PCF11: variants seen among roughly 807,000 people sequenced by gnomAD.
PCF11 encodes the protein PCF11 cleavage and polyadenylation factor subunit.
A neutral mutation model predicts 166.1 loss-of-function variants in PCF11; 19 were observed. The observed-to-expected ratio is 0.11, with a 90% CI of 0.08 to 0.17. The LOEUF is 0.17. Among genes scored for constraint, PCF11 ranks in the 10% least tolerant of loss-of-function variants. PCF11 has a pLI of 1.00. For synonymous variants in PCF11, 663 were observed against 644.1 expected, an observed-to-expected ratio of 1.03 and a Z score of -0.44; for missense variants, 1,565 against 1,855.5, an observed-to-expected ratio of 0.84 and a Z score of 2.88.
chr11:83,177,968 T>C lies in PCF11; in HGVS notation c.3983+149T>C, dbSNP rs777063146. ...AAGTCTTTTTTTTTTTTTAATGTGG[T>C]AAAATATACATAACATAGTCTTTGG... On this transcript the variant is annotated intron_variant, in intron 11 of 15. Transcript: ENST00000298281. 47 of 381,530 alleles carry C rather than the reference T, an allele frequency of 1.2e-4. 1 individual carries two copies. The highest frequency in any genetic ancestry group is 1.4e-3 in the Middle Eastern group (2 of 1,400). The allele number at this position is 381,530 out of a possible 1,614,324, so 23.6% of individuals were successfully genotyped here.
intron 9 of PCF11, among the ~76,000 whole-genome samples, chr11:83,176,399 T>C (rs988536879): frequency 1.3e-5 from 2 of 152,194 alleles, no homozygotes; most frequent in Admixed American, 6.5e-5. Flanking sequence ...ATGTTTATTG[T>C]GGCACTATTC....
At chr11:83,172,204 C>T (rs1208414887) in intron 9 of PCF11, among the ~76,000 whole-genome samples, 1 of 152,040 alleles carries the variant, frequency 6.6e-6, no homozygotes, top group Non-Finnish European at 1.5e-5. Flanking sequence ...GAAGGTATGA[C>T]ATTTGTGTTG....
At chr11:83,177,009 T>C in intron 9 of PCF11, 76 bp from the exon 10 acceptor site, 1 of 1,057,748 alleles carries the variant, frequency 9.5e-7, no homozygotes, top group Non-Finnish European at 1.3e-6. Context: ...TGAAAAATGC[T>C]TAGTATAATT....
chr11:83,169,105 T>A, exon 8 of PCF11: 2 of 1,613,280 alleles, frequency 1.2e-6, no homozygotes, highest in Non-Finnish European at 1.7e-6. Flanking sequence ...TCATGGTCCA[T>A]CAGGGGCTGC....
At chr11:83,157,252 C>G (rs1860023389) in exon 1 of PCF11, 1 of 598,090 alleles carries the variant, frequency 1.7e-6, no homozygotes, top group Non-Finnish European at 3.0e-6. Context: ...AGATCACCCG[C>G]GAGACGGCGG....
chr11:83,163,657 T>A (rs1860343232), intron 2 of PCF11, 22 bp from the exon 3 acceptor site: 1 of 1,062,328 alleles, frequency 9.4e-7, no homozygotes, highest in Admixed American at 3.1e-5. Flanking sequence ...TAACAAGCCA[T>A]AGAATTGTTC....
At chr11:83,161,219 T>C (rs1860240372) in intron 1 of PCF11, 108 bp from the exon 2 acceptor site, 2 of 787,224 alleles carry the variant, frequency 2.5e-6, no homozygotes, top group South Asian at 1.8e-5. Flanking sequence ...CAAAAATATT[T>C]AGTATCAACA....
chr11:83,173,755 G>A (rs1860780342), intron 9 of PCF11, among the ~76,000 whole-genome samples: 1 of 97,848 alleles, frequency 1.0e-5, no homozygotes, highest in African/African-American at 4.2e-5. Flanking sequence ...TTTGAGACGA[G>A]TCTTGCTCTT....
chr11:83,171,254 A>T (rs1361275243), intron 8 of PCF11: 1 of 452,200 alleles, frequency 2.2e-6, no homozygotes, highest in East Asian at 7.0e-5. Context: ...TGTGGCTATA[A>T]CCATGTGCAA....
chr11:83,168,767 G>T, exon 8 of PCF11: 1 of 1,613,896 alleles, frequency 6.2e-7, no homozygotes, highest in Non-Finnish European at 8.5e-7. Flanking sequence ...GGGCCACAAG[G>T]TCAGCTAGGA....
exon 5 of PCF11, chr11:83,166,441 C>T: frequency 6.2e-7 from 1 of 1,613,956 alleles, no homozygotes; most frequent in Non-Finnish European, 8.5e-7. Context: ...CCAACATCGA[C>T]ACCTAAAGCT....
At position 83,161,585 on chromosome 11, in the gene PCF11, A is replaced by G. The variant is rs892979038; in HGVS notation, c.318+133A>G. ...CTTTTGGACATTTATCGTTAGTACC[A>G]TTTCAAAGAAAGAGGCTGAAGTTAA... is the stretch of plus-strand genomic sequence containing the variant. On this transcript the variant is annotated intron_variant, in intron 2 of 15. Coordinates refer to ENST00000298281, the Ensembl canonical transcript of PCF11. 6 of 602,900 alleles carry G rather than the reference A, an allele frequency of 1.0e-5. No individual in the cohort carries two copies. In the Admixed American group the frequency reaches 2.0e-4, roughly 20 times the overall value. The allele number at this position is 602,900 out of a possible 1,614,324, so 37.3% of individuals were successfully genotyped here.
chr11:83,159,549 A>T (rs973710820), intron 1 of PCF11, among the ~76,000 whole-genome samples: 1 of 152,206 alleles, frequency 6.6e-6, no homozygotes, highest in East Asian at 1.9e-4. Context: ...GTATATCGCT[A>T]CACAGTGATG....
chr11:83,164,085 T>C, intron 3 of PCF11, 122 bp from the exon 4 acceptor site: 1 of 674,340 alleles, frequency 1.5e-6, no homozygotes, highest in South Asian at 2.3e-5. Context: ...GTTTTAAATT[T>C]CTGATAAGTT....
chr11:83,182,298 CAT>C, intron 13 of PCF11, 99 bp from the exon 14 acceptor site: 1 of 664,766 alleles, frequency 1.5e-6, no homozygotes, highest in Non-Finnish European at 2.6e-6. Flanking sequence ...TTGGAACACT[CAT>C]AAATTCTTTA....
At chr11:83,164,580 C>G (rs1860379641) in intron 4 of PCF11, among the ~76,000 whole-genome samples, 179 bp downstream of exon 4, 1 of 151,622 alleles carries the variant, frequency 6.6e-6, no homozygotes, top group African/African-American at 2.4e-5. Flanking sequence ...TTGTAAAATT[C>G]ACTTGATTAA....
chr11:83,182,004 G>C lies in PCF11; in HGVS notation c.4318G>C (p.Val1440Leu). 1.9e-6 allele frequency: 3 copies of C among 1,600,760 alleles called. No homozygotes were observed. In the South Asian group the frequency reaches 3.4e-5, roughly 18 times the overall value. ...TGTACCTGCTGGACCAGCTGGAGCA[G>C]TTGAGGTGAGAGAAGAACGTTTAAG... Residue 1440 changes from valine to leucine, a missense_variant, in exon 13 of 16, where the codon GTT becomes CTT. Val to Leu is a conservative substitution (Grantham distance 32, BLOSUM62 1). Transcript: ENST00000298281.
chr11:83,171,332 T>C, intron 8 of PCF11: 1 of 453,310 alleles, frequency 2.2e-6, no homozygotes, highest in Non-Finnish European at 4.4e-6. Flanking sequence ...AGGCTTTTGA[T>C]ATCTGTGGAA....
intron 9 of PCF11, among the ~76,000 whole-genome samples, chr11:83,173,086 A>T (rs570149511): frequency 2.5e-4 from 38 of 152,372 alleles, no homozygotes; most frequent in African/African-American, 7.9e-4. Context: ...CCAGGGTTGG[A>T]ATCTCTACTA....
Sources: gnomAD v4.1 joint callset for allele counts (sites outside exome capture counted in the v4.1 genomes callset) on GRCh38, gnomAD v4.1.1 for gene constraint, MANE v1.5 for transcripts, NCBI Gene and HGNC (gene_info 2026-07-23, HGNC 2026-07-21) for gene names.